Variants in BMPR2 observed in about 807,000 individuals in gnomAD.
BMPR2 encodes bone morphogenetic protein receptor type 2.
BMPR2 carries 29 observed loss-of-function variants against 100.8 expected under a neutral mutation model. That is an observed-to-expected ratio of 0.29 (90% CI 0.21 to 0.39). The LOEUF (loss-of-function observed/expected upper bound fraction) is 0.39. Ranked by LOEUF, BMPR2 falls within the 10% of genes least tolerant of loss-of-function variation. The probability of loss-of-function intolerance (pLI) is 1.00; values close to 1 mark genes in which losing one functional copy is unlikely to be tolerated. For missense variants in BMPR2, 1,011 were observed against 1,274.5 expected, an observed-to-expected ratio of 0.79 and a Z score of 3.15; for synonymous variants, 382 against 442.3, an observed-to-expected ratio of 0.86 and a Z score of 1.71.
chr2:202,487,076 C>T (rs965375478), intron 3 of BMPR2, among the ~76,000 whole-genome samples: 3 of 152,096 alleles, frequency 2.0e-5, no homozygotes, highest in Admixed American at 6.6e-5. Flanking sequence ...TAAAAAAATG[C>T]CTGCCTAATA....
intron 1 of BMPR2, among the ~76,000 whole-genome samples, chr2:202,408,187 T>C (rs1690943579): frequency 2.0e-5 from 3 of 152,204 alleles, no homozygotes; most frequent in Admixed American, 6.5e-5. Flanking sequence ...AATCTGTTTG[T>C]TGTATAAAAT....
intron 2 of BMPR2, among the ~76,000 whole-genome samples, chr2:202,465,983 T>G (rs1692313055): frequency 6.6e-6 from 1 of 152,254 alleles, no homozygotes; most frequent in African/African-American, 2.4e-5. Context: ...CAACATATCA[T>G]TGTATATATG....
rs190184232 is a variant in BMPR2, at chr2:202,518,580, C to G, written c.622-242C>G. Among the ~76,000 whole-genome samples the G allele has an allele frequency of 4.6e-5, 7 of 152,184 alleles. No individual in the cohort carries two copies. In the East Asian group the frequency reaches 1.3e-3, roughly 29 times the overall value. ...TTAATGCCTCTCAAGATCTATCTGC[C>G]TTTAGATCTTTCTTTTTTTTAAATT... On this transcript the variant is annotated intron_variant, in intron 5 of 12. Coordinates refer to ENST00000374580, the MANE Select transcript of BMPR2 (RefSeq NM_001204.7).
At chr2:202,478,447 T>G (rs1043017003) in intron 3 of BMPR2, among the ~76,000 whole-genome samples, 1 of 152,188 alleles carries the variant, frequency 6.6e-6, no homozygotes, top group African/African-American at 2.4e-5. Context: ...CGTTGTGACT[T>G]GAGGCTCTTT....
In BMPR2 at chr2:202,464,740, GAC is replaced by G. The variant is rs1260416949; in HGVS notation, c.77-67_77-66del. On this transcript the variant is annotated intron_variant, in intron 1 of 12. Transcript: ENST00000374580. ...GAAATTTATGAAGTCATTCGGATAA[GAC>G]AAAGATTTTATATAATATTTTGAAA... 5.5e-5 allele frequency: 78 copies of G among 1,421,116 alleles called. 1 individual carries two copies. Among genetic ancestry groups the G allele is most frequent in the South Asian group, 3.0e-4 (22 of 73,382 alleles). The allele number at this position is 1,421,116 out of a possible 1,614,324, so 88.0% of individuals were successfully genotyped here.
At chr2:202,476,947 C>A (rs1209948303) in intron 3 of BMPR2, among the ~76,000 whole-genome samples, 186 of 121,064 alleles carry the variant, frequency 1.5e-3, no homozygotes, top group South Asian at 3.2e-3. Flanking sequence ...AATCAACTGC[C>A]AAAAAAAAAA....
rs1307123774 is a variant in BMPR2 at position 202,561,888 on chromosome 2, G to A, written c.*1942G>A. On this transcript the variant is annotated 3_prime_UTR_variant, in exon 13 of 13. Transcript: ENST00000374580. ...CACAGTTCTGGATTCATAGAATTAA[G>A]AATATCTTGTTAGTGCCCAGGATTT... 6.6e-6 allele frequency: 1 copy of A among 152,120 alleles called. No homozygotes were observed. The highest frequency in any genetic ancestry group is 1.5e-5 in the Non-Finnish European group (1 of 67,996). The allele number at this position is 152,120 out of a possible 1,614,324, so 9.4% of individuals were successfully genotyped here.
At chr2:202,490,734 A>G (rs986223848) in intron 3 of BMPR2, among the ~76,000 whole-genome samples, 1 of 152,186 alleles carries the variant, frequency 6.6e-6, no homozygotes, top group Non-Finnish European at 1.5e-5. Flanking sequence ...AAGAGAACAT[A>G]AAAGAATAGG....
intron 3 of BMPR2, among the ~76,000 whole-genome samples, chr2:202,489,970 G>A (rs932783677): frequency 3.3e-5 from 5 of 152,224 alleles, no homozygotes; most frequent in Admixed American, 1.3e-4. Context: ...GCTGGATTTT[G>A]GCTGATCTAG....
chr2:202,511,443 G>T (rs1687621750), intron 3 of BMPR2, among the ~76,000 whole-genome samples: 1 of 152,036 alleles, frequency 6.6e-6, no homozygotes, highest in Admixed American at 6.6e-5. Flanking sequence ...GGAATTGCTG[G>T]GTCTTATGGT....
chr2:202,407,266 A>G (rs1252105079), intron 1 of BMPR2, among the ~76,000 whole-genome samples: 2 of 150,856 alleles, frequency 1.3e-5, no homozygotes, highest in Non-Finnish European at 1.5e-5. Context: ...TTTATTAGAG[A>G]CGGGACTTTG....
At chr2:202,387,985 G>A (rs1032456343) in intron 1 of BMPR2, among the ~76,000 whole-genome samples, 2 of 152,112 alleles carry the variant, frequency 1.3e-5, no homozygotes, top group African/African-American at 4.8e-5. Flanking sequence ...ATACTTAATC[G>A]TTTTTTCCTT....
chr2:202,445,771 A>ATTT lies in BMPR2; in HGVS notation c.77-19020_77-19018dup, dbSNP rs759063361. Among the ~76,000 whole-genome samples, 35 of 120,034 alleles carry ATTT rather than the reference A, an allele frequency of 2.9e-4. 1 individual carries two copies. The highest frequency in any genetic ancestry group is 4.7e-4 in the East Asian group (2 of 4,232). The allele number at this position is 120,034 out of a possible 152,430, so 78.7% of individuals were successfully genotyped here. ...CACCATGCCTAGCCCTACAAACATA[A>ATTT]TTTTTTTTTTTTTTTTTTTTGAGAC... is the stretch of plus-strand genomic sequence containing the variant. On this transcript the variant is annotated intron_variant, in intron 1 of 12. Transcript: ENST00000374580.
chr2:202,412,297 C>T (rs1691029594), intron 1 of BMPR2, among the ~76,000 whole-genome samples: 1 of 152,086 alleles, frequency 6.6e-6, no homozygotes, highest in African/African-American at 2.4e-5. Flanking sequence ...CAAAATCTAT[C>T]AATAAATTTC....
At chr2:202,400,582 GATGATA>G (rs1690752055) in intron 1 of BMPR2, among the ~76,000 whole-genome samples, 1 of 152,150 alleles carries the variant, frequency 6.6e-6, no homozygotes, top group Non-Finnish European at 1.5e-5. Flanking sequence ...GAGTTTAGTA[GATGATA>G]ATGATAATAG....
intron 1 of BMPR2, among the ~76,000 whole-genome samples, chr2:202,452,467 T>C (rs1692009354): frequency 6.6e-6 from 1 of 152,174 alleles, no homozygotes; most frequent in Non-Finnish European, 1.5e-5. Context: ...CTGTTTTGTT[T>C]TTGGTTTTCA....
intron 10 of BMPR2, among the ~76,000 whole-genome samples, chr2:202,544,295 A>T (rs1168371446): frequency 6.6e-6 from 1 of 152,136 alleles, no homozygotes; most frequent in Admixed American, 6.6e-5. Context: ...TTTTTTGATG[A>T]AGTTCCTCCT....
chr2:202,542,485 A>G, intron 10 of BMPR2, 38 bp downstream of exon 10: 1 of 1,608,080 alleles, frequency 6.2e-7, no homozygotes, highest in Non-Finnish European at 8.5e-7. Flanking sequence ...AGGACTTATG[A>G]CTGAATATGT....
chr2:202,534,572 T>G (rs1486296307), intron 9 of BMPR2, among the ~76,000 whole-genome samples: 1 of 152,176 alleles, frequency 6.6e-6, no homozygotes, highest in Non-Finnish European at 1.5e-5. Context: ...AGCACAGGGT[T>G]GGGGGCAAGG....
Sources: gnomAD v4.1 joint callset for allele counts (sites outside exome capture counted in the v4.1 genomes callset) on GRCh38, gnomAD v4.1.1 for gene constraint, MANE v1.5 for transcripts, NCBI Gene and HGNC (gene_info 2026-07-23, HGNC 2026-07-21) for gene names.